BNC2: variants seen among roughly 807,000 people sequenced by gnomAD.
BNC2 encodes the protein zinc finger protein basonuclin-2.
Under a neutral mutation model 76.3 loss-of-function variants are expected in BNC2, and 20 were observed. The ratio of observed to expected loss-of-function variants is 0.26; its 90% CI spans 0.18 to 0.38. The LOEUF (loss-of-function observed/expected upper bound fraction) is 0.38, where lower values mean the gene tolerates loss of function less well. BNC2 is among the 10% of genes least tolerant of loss of function. The pLI, the probability that BNC2 is intolerant of heterozygous loss-of-function variation, is 1.00. For missense variants in BNC2, 1,382 were observed against 1,399.8 expected (o/e 0.99, Z 0.20); for synonymous variants, 582 against 514.8 (o/e 1.13, Z -1.77).
At chr9:16,807,475 T>C (rs1046725229) in intron 1 of BNC2, among the ~76,000 whole-genome samples, 7 of 152,318 alleles carry the variant, frequency 4.6e-5, no homozygotes, top group African/African-American at 1.7e-4. Flanking sequence ...CAATTGTCTC[T>C]TCATGCAATT....
intron 5 of BNC2, among the ~76,000 whole-genome samples, chr9:16,446,647 G>A (rs1293688535): frequency 6.6e-6 from 1 of 152,106 alleles, no homozygotes; most frequent in Non-Finnish European, 1.5e-5. Context: ...AATATTGCTT[G>A]ACATTTGATT....
chr9:16,440,059 A>T (rs1821095017), intron 5 of BNC2, among the ~76,000 whole-genome samples: 1 of 152,196 alleles, frequency 6.6e-6, no homozygotes, highest in South Asian at 2.1e-4. Context: ...AACATGGAAG[A>T]ATGTTGGTGC....
chr9:16,592,775 A>G (rs1214934702), intron 3 of BNC2, among the ~76,000 whole-genome samples: 1 of 152,154 alleles, frequency 6.6e-6, no homozygotes, highest in Non-Finnish European at 1.5e-5. Flanking sequence ...ATAAGATATC[A>G]TTCCCCAGGA....
At chr9:16,585,998 A>G (rs367982913) in intron 3 of BNC2, among the ~76,000 whole-genome samples, 17 of 152,294 alleles carry the variant, frequency 1.1e-4, no homozygotes, top group African/African-American at 4.1e-4. Flanking sequence ...ATTAGTATTC[A>G]GGTCTGGGTA....
At chr9:16,425,117 C>T (rs2119203617) in intron 6 of BNC2, among the ~76,000 whole-genome samples, 1 of 152,224 alleles carries the variant, frequency 6.6e-6, no homozygotes, top group Non-Finnish European at 1.5e-5. Flanking sequence ...AAAATCTAAG[C>T]AAATTCTTGC....
intron 3 of BNC2, among the ~76,000 whole-genome samples, chr9:16,706,002 C>T (rs1005648214): frequency 2.6e-5 from 4 of 152,180 alleles, no homozygotes; most frequent in Admixed American, 1.3e-4. Context: ...GAGAGTTCTG[C>T]CTTCCAAGCA....
intron 1 of BNC2, chr9:16,867,820 C>G (rs1819578975): frequency 6.7e-6 from 1 of 149,074 alleles, no homozygotes; most frequent in African/African-American, 2.5e-5. Flanking sequence ...CAAAAAAATA[C>G]AAGAAAAGAT....
chr9:16,539,664 GAGGGAGGGAGGGAGGA>G (rs1818246172), intron 5 of BNC2, among the ~76,000 whole-genome samples: 1 of 49,812 alleles, frequency 2.0e-5, no homozygotes, highest in Non-Finnish European at 4.5e-5. Context: ...AGAAGGGAGG[GAGGGAGGGAGGGAGGA>G]AGGAAGGAAG....
At chr9:16,810,050 T>C (rs1024136167) in intron 1 of BNC2, among the ~76,000 whole-genome samples, 3 of 152,206 alleles carry the variant, frequency 2.0e-5, no homozygotes, top group Non-Finnish European at 2.9e-5. Flanking sequence ...TTAGTCTTTT[T>C]CTGCCCCCTG....
chr9:16,516,238 T>C (rs911380292), intron 5 of BNC2, among the ~76,000 whole-genome samples: 11 of 152,154 alleles, frequency 7.2e-5, no homozygotes. Context: ...TCTTGGTTTG[T>C]TTGTTTTTTT....
rs112599613 is a variant in BNC2 at position 16,676,647 on chromosome 9, T to C, written c.330+51150A>G. 1.7e-3 allele frequency among the ~76,000 whole-genome samples: 257 copies of C among 152,366 alleles called. 2 individuals are homozygous for C. Among genetic ancestry groups the C allele is most frequent in the African/African-American group, 5.7e-3 (237 of 41,590 alleles). On this transcript the variant is annotated intron_variant, in intron 3 of 6. Transcript: ENST00000380672. ...CAAAGTTTACTTAATCCACAATGTA[T>C]CTGACATATAGAACCTGAGACACAG...
At chr9:16,677,578 A>ACACACACACACACACACACACACACACAC (rs61063092) in intron 3 of BNC2, among the ~76,000 whole-genome samples, 1 of 139,254 alleles carries the variant, frequency 7.2e-6, no homozygotes, top group African/African-American at 2.8e-5. Context: ...GTCTCAAACA[A>ACACACACACACACACACACACACACACAC]ACACACACAC....
At chr9:16,834,098 G>A (rs1818645887) in intron 1 of BNC2, among the ~76,000 whole-genome samples, 1 of 151,914 alleles carries the variant, frequency 6.6e-6, no homozygotes, top group African/African-American at 2.4e-5. Flanking sequence ...TCCAGTTGGT[G>A]GTCACTGCTT....
In BNC2 at chr9:16,685,623, T is replaced by C. The variant is rs1484873232; in HGVS notation, c.330+42174A>G. The C allele has an allele frequency of 4.6e-6, 6 of 1,304,092 alleles. No homozygotes were observed. The Admixed American group carries it at 9.2e-5, about 20-fold the overall frequency. 80.8% of individuals were successfully genotyped at this position (1,304,092 alleles called of 1,614,324 possible). ...CCAGCACTCTGCCAGTACATGCCAA[T>C]GGAACCTGAGGGAATACAGCCACGT... On this transcript the variant is annotated intron_variant, in intron 3 of 6. Coordinates refer to ENST00000380672, the MANE Select transcript of BNC2 (RefSeq NM_017637.6).
At chr9:16,547,471 T>A (rs1818521426) in intron 5 of BNC2, among the ~76,000 whole-genome samples, 1 of 152,210 alleles carries the variant, frequency 6.6e-6, no homozygotes, top group Non-Finnish European at 1.5e-5. Flanking sequence ...CAAATACTTA[T>A]TCAGTGCTCT....
intron 1 of BNC2, among the ~76,000 whole-genome samples, chr9:16,764,463 T>A (rs753500081): frequency 4.6e-5 from 7 of 152,202 alleles, no homozygotes; most frequent in Non-Finnish European, 7.3e-5. Flanking sequence ...CCTAAAAATC[T>A]GTGACAAGAG....
intron 3 of BNC2, among the ~76,000 whole-genome samples, chr9:16,630,022 T>C (rs1821116340): frequency 6.6e-6 from 1 of 152,220 alleles, no homozygotes; most frequent in Non-Finnish European, 1.5e-5. Flanking sequence ...AGGACTTCTT[T>C]CAAAATTGGA....
chr9:16,447,565 G>C (rs748362438), intron 5 of BNC2, among the ~76,000 whole-genome samples: 3 of 152,024 alleles, frequency 2.0e-5, no homozygotes, highest in Admixed American at 2.0e-4. Context: ...GTATATTCTG[G>C]ATGTTTCCCC....
chr9:16,439,951 T>G (rs868354289), intron 5 of BNC2, among the ~76,000 whole-genome samples: 2 of 152,186 alleles, frequency 1.3e-5, no homozygotes, highest in African/African-American at 4.8e-5. Context: ...TGCAGGCACA[T>G]GGCAACCCCA....
Sources: allele counts gnomAD v4.1 joint callset (sites outside exome capture counted in the v4.1 genomes callset), GRCh38; gene constraint gnomAD v4.1.1; transcripts MANE v1.5; gene names NCBI Gene and HGNC (gene_info 2026-07-23, HGNC 2026-07-21).